Variants in SORBS3 observed in about 807,000 individuals in gnomAD.
The protein encoded by SORBS3 is sorbin and SH3 domain containing 3, also known as vinexin.
Under a neutral mutation model 98.0 loss-of-function variants are expected in SORBS3, and 69 were observed. The ratio of observed to expected loss-of-function variants is 0.70; its 90% CI spans 0.58 to 0.86. The LOEUF is 0.86. SORBS3 is among the 40% of genes least tolerant of loss of function. The pLI is 0.00. For synonymous variants in SORBS3, 394 were observed against 355.4 expected (o/e 1.11, Z -1.22); for missense variants, 954 against 908.5 (o/e 1.05, Z -0.64).
chr8:22,571,027 C>T lies in SORBS3; in HGVS notation c.1549C>T (p.Arg517Trp), dbSNP rs149782492. The change falls in exon 18 of 21, where the codon CGG (arginine) becomes TGG (tryptophan). Residue 517 changes from arginine (R) to tryptophan (W), a missense_variant. Arg to Trp is a moderately radical substitution (Grantham distance 101). Coordinates refer to ENST00000240123, the MANE Select transcript of SORBS3 (RefSeq NM_005775.5). ...ASYVQVSREP[R>W]LRLCDDGPQL... Reference sequence around the variant, plus strand: ...CTACGTGCAGGTGTCTCGTGAACCCCGGCTCCGGCTCTGTGACGACGGCCC... The same window carrying T: ...CTACGTGCAGGTGTCTCGTGAACCCTGGCTCCGGCTCTGTGACGACGGCCC... 262 of 1,613,460 alleles carry T rather than the reference C, an allele frequency of 1.6e-4. No individual in the cohort carries two copies. The highest frequency in any genetic ancestry group is 2.0e-4 in the Non-Finnish European group (231 of 1,179,946).
chr8:22,569,291 C>G lies in SORBS3; in HGVS notation c.1431+18C>G. 1 of 1,563,982 alleles carries G rather than the reference C, an allele frequency of 6.4e-7. No individual in the cohort carries two copies. The highest frequency in any genetic ancestry group is 2.4e-5 in the East Asian group (1 of 41,912). On this transcript the variant is annotated intron_variant, in intron 17 of 20. Coordinates refer to ENST00000240123, the MANE Select transcript of SORBS3 (RefSeq NM_005775.5). ...TCCGCAAGGTGGGCCAGGCCGGAGA[C>G]GGAGGGGTGGGTGGGGGCAGGTGAA...
At position 22,561,366 on chromosome 8, in the gene SORBS3, A is replaced by G; in HGVS notation, c.510A>G (p.Pro170=). The part of the protein sequence containing the change: ...DLQLDWTFEE[P]PRDPRHLGAQ... ...AGCTGGACTGGACCTTCGAGGAGCC[A>G]CCCAGAGGTGAGGGGATGCGGGCCC... The change falls in exon 6 of 21, where the codon CCA becomes CCG. Residue 170 remains proline (P), a synonymous_variant. Coordinates refer to ENST00000240123, the MANE Select transcript of SORBS3 (RefSeq NM_005775.5). The G allele has an allele frequency of 6.2e-7, 1 of 1,611,884 alleles. No individual in the cohort carries two copies. Among genetic ancestry groups the G allele is most frequent in the South Asian group, 1.1e-5 (1 of 90,936 alleles).
At chr8:22,546,011 G>A (rs1179385090) in intron 1 of SORBS3, among the ~76,000 whole-genome samples, 5 of 152,272 alleles carry the variant, frequency 3.3e-5, no homozygotes, top group South Asian at 2.1e-4. Context: ...TGGTCAAGAC[G>A]TCAGACCAGT....
chr8:22,566,989 TGGGCA>T (rs1563832506), intron 15 of SORBS3, 67 bp from the exon 16 acceptor site: 2 of 1,549,562 alleles, frequency 1.3e-6, no homozygotes, highest in Non-Finnish European at 1.8e-6. Flanking sequence ...TGGGGTGTGT[TGGGCA>T]GGGTCTGAAG....
At chr8:22,565,106 A>G in intron 10 of SORBS3, 162 bp from the exon 11 acceptor site, 2 of 1,448,832 alleles carry the variant, frequency 1.4e-6, no homozygotes, top group Non-Finnish European at 1.8e-6. Flanking sequence ...CCCTCTTGGC[A>G]CCCTGGGCCA....
intron 17 of SORBS3, 108 bp downstream of exon 17, chr8:22,569,381 C>A (rs1840512332): frequency 3.9e-6 from 4 of 1,025,206 alleles, no homozygotes; most frequent in Non-Finnish European, 5.3e-6. Flanking sequence ...CACTCTATCG[C>A]CAGGCTGTAG....
In SORBS3 at chr8:22,554,602, G is replaced by GA; in HGVS notation, c.97dup (p.Thr33AsnfsTer15). On this transcript the variant is annotated frameshift_variant, in exon 2 of 21. Transcript: ENST00000240123. LOFTEE classifies it high-confidence loss of function. The surrounding 1 kb of genome is among the most constrained non-coding windows in gnomAD (Gnocchi z 6.5). ...CCCACATAGGGTCTTCCTCCCGGGGGACACGGGTGAGTGAGTCAGTAGGGA... is the reference window on the plus strand; with the variant it reads ...CCCACATAGGGTCTTCCTCCCGGGGGAACACGGGTGAGTGAGTCAGTAGGGA... The GA allele has an allele frequency of 1.2e-6, 2 of 1,611,878 alleles. No homozygotes were observed. Among genetic ancestry groups the GA allele is most frequent in the Non-Finnish European group, 1.7e-6 (2 of 1,179,774 alleles).
At chr8:22,566,266 G>T in intron 12 of SORBS3, 79 bp from the exon 13 acceptor site, 1 of 1,498,844 alleles carries the variant, frequency 6.7e-7, no homozygotes, top group Non-Finnish European at 8.9e-7. Context: ...GGGGCGATGG[G>T]GGGTCAGAGC....
chr8:22,560,858 TGTGTGTGTGTGTGTGC>T (rs1360081019), intron 5 of SORBS3: 113 of 136,836 alleles, frequency 8.3e-4, no homozygotes, highest in African/African-American at 2.7e-3. Context: ...TGTGTGTGTG[TGTGTGTGTGTGTGTGC>T]GCGCGCGCAC....
At chr8:22,558,228 G>C in intron 5 of SORBS3, 36 bp downstream of exon 5, 1 of 1,597,908 alleles carries the variant, frequency 6.3e-7, no homozygotes, top group Non-Finnish European at 8.6e-7. Flanking sequence ...CCCTGCCAAA[G>C]TGGATTCTGG....
At chr8:22,553,750 C>T (rs886908681) in intron 1 of SORBS3, among the ~76,000 whole-genome samples, 21 of 152,230 alleles carry the variant, frequency 1.4e-4, no homozygotes, top group Admixed American at 1.4e-3. Context: ...CACCAACTCT[C>T]CATGGGCATG....
At chr8:22,557,280 T>C (rs149475871) in intron 4 of SORBS3, among the ~76,000 whole-genome samples, 102 of 152,068 alleles carry the variant, frequency 6.7e-4, no homozygotes, top group South Asian at 2.3e-3. Flanking sequence ...GCCGAATGAG[T>C]GAGTGAGTCT....
At position 22,571,183 on chromosome 8, in the gene SORBS3, T is replaced by G; in HGVS notation, c.1705T>G (p.Phe569Val). ...ACAGACCTCCCCCCGTCGCACTGGCTTCTCCTTCCCCACCCAGGAGCCTAG... is the reference window on the plus strand; with the variant it reads ...ACAGACCTCCCCCCGTCGCACTGGCGTCTCCTTCCCCACCCAGGAGCCTAG... The part of the protein sequence containing the change: ...GGQTSPRRTG[F>V]SFPTQEPRPQ... The change falls in exon 18 of 21, where the codon TTC becomes GTC. Residue 569 changes from phenylalanine to valine, a missense_variant. Phe to Val is a conservative substitution (Grantham distance 50). Coordinates refer to ENST00000240123, the MANE Select transcript of SORBS3 (RefSeq NM_005775.5). 6.4e-7 allele frequency: 1 copy of G among 1,573,986 alleles called. No homozygotes were observed. The highest frequency in any genetic ancestry group is 8.6e-7 in the Non-Finnish European group (1 of 1,161,716).
intron 3 of SORBS3, among the ~76,000 whole-genome samples, chr8:22,555,861 A>AAAAAC (rs1333542065): frequency 1.3e-5 from 2 of 152,208 alleles, no homozygotes; most frequent in Non-Finnish European, 2.9e-5. Context: ...AAACAAAAAC[A>AAAAAC]AAAACAAAAC....
chr8:22,566,613 C>T (rs560060723), intron 13 of SORBS3, 48 bp from the exon 14 acceptor site: 3 of 1,582,826 alleles, frequency 1.9e-6, no homozygotes, highest in Admixed American at 1.8e-5. Context: ...GGTGCAACCC[C>T]ATCCCCCAGG....
At chr8:22,571,430 C>T (rs1840581838) in intron 18 of SORBS3, among the ~76,000 whole-genome samples, 2 of 152,170 alleles carry the variant, frequency 1.3e-5, no homozygotes, top group African/African-American at 4.8e-5. Flanking sequence ...AGATGGAATC[C>T]CAAAGCCGGC....
At position 22,556,758 on chromosome 8, in the gene SORBS3, C is replaced by T. The variant is rs941350798; in HGVS notation, c.264C>T (p.Pro88=). ...YQTWPGPGSK[P]SASTKIPASQ... is the part of the protein sequence containing the mutation. ...CCTGGCCAGGCCCTGGGAGCAAGCC[C>T]TCTGCAAGCACAAAGATCCCTGCCT... The change falls in exon 4 of 21, where the codon CCC becomes CCT. Residue 88 remains proline (P), a synonymous_variant. Coordinates refer to ENST00000240123, the MANE Select transcript of SORBS3 (RefSeq NM_005775.5). 4.3e-6 allele frequency: 7 copies of T among 1,613,726 alleles called. No individual in the cohort carries two copies. The highest frequency in any genetic ancestry group is 1.7e-5 in the Admixed American group (1 of 60,000).
At position 22,554,580 on chromosome 8, in the gene SORBS3, AC is replaced by A; in HGVS notation, c.75del (p.His25GlnfsTer2). The stretch of plus-strand genomic sequence containing the variant: ...TTCATCCCTGGCCACCTCCAGTCCC[AC>A]ATAGGGTCTTCCTCCCGGGGGACAC... ...DDFIPGHLQS[H>X]IGSSSRGTRV... On this transcript the variant is annotated frameshift_variant, in exon 2 of 21. Coordinates refer to ENST00000240123, the MANE Select transcript of SORBS3 (RefSeq NM_005775.5). LOFTEE classifies it high-confidence loss of function. The surrounding 1 kb of genome is among the most constrained non-coding windows in gnomAD (Gnocchi z 6.5). 1 of 1,612,868 alleles carries A rather than the reference AC, an allele frequency of 6.2e-7. No individual in the cohort carries two copies. Among genetic ancestry groups the A allele is most frequent in the Non-Finnish European group, 8.5e-7 (1 of 1,179,948 alleles).
chr8:22,565,888 G>A lies in SORBS3; in HGVS notation c.950+16G>A. ...CCCCGGCCGGGTGAGTGGGAGACGC[G>A]GGAGGAGGAAGGGGGCTGTCCCAGG... is the stretch of plus-strand genomic sequence containing the variant. On this transcript the variant is annotated intron_variant, in intron 12 of 20. Transcript: ENST00000240123. 1.6e-6 allele frequency: 2 copies of A among 1,249,160 alleles called. No individual in the cohort carries two copies. The highest frequency in any genetic ancestry group is 2.0e-6 in the Non-Finnish European group (2 of 996,160). 77.4% of individuals were successfully genotyped at this position (1,249,160 alleles called of 1,614,324 possible). A position where few individuals can be genotyped will look rare whatever the true frequency, so the allele number is the denominator to read the frequency against.
Sources: gnomAD v4.1 joint callset for allele counts (sites outside exome capture counted in the v4.1 genomes callset) on GRCh38, gnomAD v4.1.1 for gene constraint, Gnocchi (gnomAD v3.1) non-coding constraint, MANE v1.5 for transcripts, NCBI Gene and HGNC (gene_info 2026-07-23, HGNC 2026-07-21) for gene names.